The following STARD13 variants were observed in gnomAD, a reference collection of about 807,000 sequenced individuals.
The protein encoded by STARD13 is StAR related lipid transfer domain containing 13.
Under a neutral mutation model 106.4 loss-of-function variants are expected in STARD13, and 62 were observed. The ratio of observed to expected loss-of-function variants is 0.58; its 90% CI spans 0.48 to 0.72. The LOEUF is 0.72. Ranked by LOEUF, STARD13 falls within the 30% of genes least tolerant of loss-of-function variation. The pLI is 0.00. For missense variants in STARD13, 1,387 were observed against 1,424.0 expected (o/e 0.97, Z 0.42); for synonymous variants, 565 against 553.0 (o/e 1.02, Z -0.31).
chr13:33,242,498 A>C (rs974509221), intron 1 of STARD13, among the ~76,000 whole-genome samples: 1 of 152,210 alleles, frequency 6.6e-6, no homozygotes, highest in Non-Finnish European at 1.5e-5. Context: ...CTAAGGGTTA[A>C]ATGGATTAAG....
At chr13:33,583,446 A>C in the STARD13 span, among the ~76,000 whole-genome samples, 5,925 of 152,212 alleles carry the variant, frequency 0.039, 256 homozygotes, top group East Asian at 0.25. Flanking sequence ...GGACTTCAGC[A>C]TCTTCCCAGT....
intron 1 of STARD13, among the ~76,000 whole-genome samples, chr13:33,299,639 T>G (rs1441421030): frequency 2.0e-5 from 3 of 152,168 alleles, no homozygotes; most frequent in African/African-American, 7.2e-5. Context: ...AGTTATCCTG[T>G]GGTTTTGTTG....
At chr13:33,314,203 G>C (rs1893246717) in intron 1 of STARD13, among the ~76,000 whole-genome samples, 1 of 152,146 alleles carries the variant, frequency 6.6e-6, no homozygotes, top group Admixed American at 6.6e-5. Flanking sequence ...AATTATGGTA[G>C]CTGTCAGGCC....
chr13:33,361,533 C>T, the STARD13 span, among the ~76,000 whole-genome samples: 1 of 152,294 alleles, frequency 6.6e-6, no homozygotes, highest in Non-Finnish European at 1.5e-5. Context: ...TTAGTCCATA[C>T]TCACACTGCT....
At position 33,130,221 on chromosome 13, in the gene STARD13, C is replaced by A. The variant is rs1333848419; in HGVS notation, c.456G>T (p.Arg152Ser). ...TGTAGAGGTCGTCCACACGAGACCA[C>A]CTGCGACTGGTTCTTTGGAAAGTCC... ...NKWTFQRTSR[R>S]WSRVDDLYTL... Residue 152 changes from arginine (R) to serine (S), a missense_variant, in exon 5 of 14, where the codon AGG becomes AGT. Transcript: ENST00000336934. This position sits in a 1 kb window ranked among gnomAD's most constrained non-coding sequence, Gnocchi z 4.1. The A allele has an allele frequency of 6.2e-7, 1 of 1,610,694 alleles. No homozygotes were observed. Among genetic ancestry groups the A allele is most frequent in the Admixed American group, 1.7e-5 (1 of 60,016 alleles).
At chr13:33,137,558 C>T (rs1056741064) in intron 4 of STARD13, among the ~76,000 whole-genome samples, 1 of 152,124 alleles carries the variant, frequency 6.6e-6, no homozygotes, top group Non-Finnish European at 1.5e-5. Context: ...GGAATCAGCT[C>T]CTAGCTTATC....
chr13:33,441,191 A>G, the STARD13 span, among the ~76,000 whole-genome samples: 3 of 152,188 alleles, frequency 2.0e-5, no homozygotes, highest in African/African-American at 7.2e-5. Flanking sequence ...TGTTGCTTGA[A>G]TCCATCTGCT....
At chr13:33,257,034 C>A (rs1890399135) in intron 1 of STARD13, among the ~76,000 whole-genome samples, 1 of 151,942 alleles carries the variant, frequency 6.6e-6, no homozygotes, top group Admixed American at 6.6e-5. Context: ...GAAGCTCTAA[C>A]CAAAACAGGA....
At chr13:33,667,657 A>G in the STARD13 span, among the ~76,000 whole-genome samples, 1 of 152,230 alleles carries the variant, frequency 6.6e-6, no homozygotes, top group Admixed American at 6.5e-5. Flanking sequence ...CAATTAAACT[A>G]CCACTTGCTA....
chr13:33,165,210 A>G, intron 3 of STARD13, 127 bp downstream of exon 3: 9 of 748,748 alleles, frequency 1.2e-5, no homozygotes, highest in Middle Eastern at 2.3e-4. Flanking sequence ...TAGAACCTGC[A>G]CCTGGGTCAG....
intron 1 of STARD13, among the ~76,000 whole-genome samples, chr13:33,168,197 C>T (rs543773519): frequency 6.6e-6 from 1 of 152,006 alleles, no homozygotes; most frequent in South Asian, 2.1e-4. Context: ...TGCATTATAA[C>T]AAAATGTTCA....
chr13:33,410,970 C>T, the STARD13 span, among the ~76,000 whole-genome samples: 3 of 152,220 alleles, frequency 2.0e-5, no homozygotes, highest in African/African-American at 7.2e-5. Context: ...AATTTCAACT[C>T]ATCAAAATTT....
the STARD13 span, among the ~76,000 whole-genome samples, chr13:33,592,962 G>C: frequency 6.6e-6 from 1 of 152,062 alleles, no homozygotes; most frequent in African/African-American, 2.4e-5. Flanking sequence ...ACATATCATG[G>C]GGAGAGGCTG....
the STARD13 span, among the ~76,000 whole-genome samples, chr13:33,602,289 C>T: frequency 6.6e-6 from 1 of 152,116 alleles, no homozygotes; most frequent in Non-Finnish European, 1.5e-5. Context: ...GACAGGGTTT[C>T]ATCGTGTTAG....
chr13:33,290,650 C>T (rs1260839728), upstream of STARD13, among the ~76,000 whole-genome samples: 1 of 152,256 alleles, frequency 6.6e-6, no homozygotes, highest in Non-Finnish European at 1.5e-5. Flanking sequence ...CTCAGCCCTC[C>T]CTACTGTCTG....
intron 1 of STARD13, among the ~76,000 whole-genome samples, chr13:33,267,638 G>A (rs891717042): frequency 6.6e-6 from 1 of 152,224 alleles, no homozygotes; most frequent in African/African-American, 2.4e-5. Context: ...TGGAAGACTA[G>A]TTTCCCCTGT....
the STARD13 span, among the ~76,000 whole-genome samples, chr13:33,562,259 A>G: frequency 6.8e-6 from 1 of 147,012 alleles, no homozygotes; most frequent in East Asian, 2.0e-4. Flanking sequence ...TATTTCTATC[A>G]TCCATAATTT....
At chr13:33,212,511 C>A (rs896365058) in intron 1 of STARD13, among the ~76,000 whole-genome samples, 6 of 152,146 alleles carry the variant, frequency 3.9e-5, no homozygotes, top group Non-Finnish European at 8.8e-5. Flanking sequence ...ACATGAGCAG[C>A]AACATGTATT....
the STARD13 span, chr13:33,656,671 A>G: frequency 6.6e-6 from 1 of 152,230 alleles, no homozygotes; most frequent in South Asian, 2.1e-4. Flanking sequence ...GAATCTTGTT[A>G]TGGATATGTA....
Sources: gnomAD v4.1 joint callset for allele counts (sites outside exome capture counted in the v4.1 genomes callset) on GRCh38, gnomAD v4.1.1 for gene constraint, Gnocchi (gnomAD v3.1) non-coding constraint, MANE v1.5 for transcripts, NCBI Gene and HGNC (gene_info 2026-07-23, HGNC 2026-07-21) for gene names.